ELOVL5: variants seen among roughly 807,000 people sequenced by gnomAD.
ELOVL5 encodes ELOVL fatty acid elongase 5.
In ELOVL5, 8 loss-of-function variants were observed where a neutral mutation model predicts 38.6. That is an observed-to-expected ratio of 0.21 (90% CI 0.12 to 0.37). The LOEUF (loss-of-function observed/expected upper bound fraction) is 0.37. Ranked by LOEUF, ELOVL5 falls within the 10% of genes least tolerant of loss-of-function variation. The probability of loss-of-function intolerance (pLI) is 1.00; values close to 1 mark genes in which losing one functional copy is unlikely to be tolerated. For missense variants in ELOVL5, 280 were observed against 367.8 expected, an observed-to-expected ratio of 0.76 and a Z score of 1.95; for synonymous variants, 127 against 133.7, an observed-to-expected ratio of 0.95 and a Z score of 0.34.
At chr6:53,309,987 T>C (rs976678760) in intron 1 of ELOVL5, among the ~76,000 whole-genome samples, 1 of 152,118 alleles carries the variant, frequency 6.6e-6, no homozygotes, top group Non-Finnish European at 1.5e-5. Flanking sequence ...GGTGGCAAAT[T>C]TGGGGGTAAT....
intron 3 of ELOVL5, among the ~76,000 whole-genome samples, chr6:53,283,626 C>G (rs1009125433): frequency 3.3e-5 from 5 of 151,894 alleles, no homozygotes; most frequent in African/African-American, 7.3e-5. Flanking sequence ...GCCATTTAAA[C>G]TAAAAACACA....
chr6:53,319,270 C>CAAAAAAAAAAAAAAAAAAAAA (rs59435925), intron 1 of ELOVL5, among the ~76,000 whole-genome samples: 14 of 74,898 alleles, frequency 1.9e-4, no homozygotes, highest in Non-Finnish European at 3.3e-4. Context: ...GACTCCATCT[C>CAAAAAAAAAAAAAAAAAAAAA]AAAAAAAAAA....
At chr6:53,342,152 C>T (rs1249366675) in intron 1 of ELOVL5, among the ~76,000 whole-genome samples, 2 of 151,372 alleles carry the variant, frequency 1.3e-5, no homozygotes, top group Non-Finnish European at 2.9e-5. Flanking sequence ...CACACAGATG[C>T]TTCTAACAAA....
chr6:53,274,539 T>C (rs1300949805), intron 5 of ELOVL5, among the ~76,000 whole-genome samples: 1 of 152,210 alleles, frequency 6.6e-6, no homozygotes, highest in African/African-American at 2.4e-5. Flanking sequence ...CTGAAAATTA[T>C]AAGAAACTTT....
chr6:53,324,287 AAAG>A (rs1233618060), intron 1 of ELOVL5, among the ~76,000 whole-genome samples: 3 of 151,888 alleles, frequency 2.0e-5, no homozygotes, highest in Non-Finnish European at 2.9e-5. Flanking sequence ...AAAAAAAAGA[AAAG>A]AAAAACAGTT....
chr6:53,275,777 C>T (rs1289051757), intron 4 of ELOVL5, among the ~76,000 whole-genome samples: 2 of 152,156 alleles, frequency 1.3e-5, no homozygotes, highest in Non-Finnish European at 2.9e-5. Flanking sequence ...TGCTGAGCTG[C>T]GACTGTTGGC....
At chr6:53,336,612 A>G (rs1050169243) in intron 1 of ELOVL5, among the ~76,000 whole-genome samples, 2 of 152,182 alleles carry the variant, frequency 1.3e-5, no homozygotes, top group Non-Finnish European at 2.9e-5. Flanking sequence ...CAATGAGCTG[A>G]GATGGTGCCA....
At position 53,287,793 on chromosome 6, in the gene ELOVL5, G is replaced by A. The variant is rs940242627; in HGVS notation, c.246+3983C>T. On this transcript the variant is annotated intron_variant, in intron 3 of 7. Coordinates refer to ENST00000304434, the MANE Select transcript of ELOVL5 (RefSeq NM_021814.5). Reference sequence around the variant, plus strand: ...GCCGGAGTGCCTCCTTCTGAGGAAAGGAGCCAGCCATCCTTTCAACACAGT... The same window carrying A: ...GCCGGAGTGCCTCCTTCTGAGGAAAAGAGCCAGCCATCCTTTCAACACAGT... 4 of 1,407,682 alleles carry A rather than the reference G, an allele frequency of 2.8e-6. No homozygotes were observed. In the African/African-American group the frequency reaches 4.3e-5, roughly 15 times the overall value. 87.2% of individuals were successfully genotyped at this position (1,407,682 alleles called of 1,614,324 possible). A position where few individuals can be genotyped will look rare whatever the true frequency, so the allele number is the denominator to read the frequency against.
At position 53,334,402 on chromosome 6, in the gene ELOVL5, T is replaced by A. The variant is rs566814401; in HGVS notation, c.-9+14415A>T. Among the ~76,000 whole-genome samples the A allele has an allele frequency of 3.5e-4, 53 of 152,264 alleles. 2 individuals are homozygous for A. In the South Asian group the frequency reaches 0.011, roughly 32 times the overall value. ...AAGGGAGGGCCATATAACTTTTATC[T>A]TTACTTAATTTATTTTAATTTACTA... On this transcript the variant is annotated intron_variant, in intron 1 of 7. Coordinates refer to ENST00000304434, the MANE Select transcript of ELOVL5 (RefSeq NM_021814.5).
rs567052033 is a variant in ELOVL5, at chr6:53,305,977, G to A, written c.-8-10270C>T. ...GGCACCTCGGGATGCCGAGGCTGGC[G>A]GATCACTCGCGGTTAGGAGCTGGAG... is the stretch of plus-strand genomic sequence containing the variant. On this transcript the variant is annotated intron_variant, in intron 1 of 7. Transcript: ENST00000304434. 3.9e-3 allele frequency among the ~76,000 whole-genome samples: 588 copies of A among 152,050 alleles called. 7 individuals are homozygous for A. The highest frequency in any genetic ancestry group is 0.013 in the African/African-American group (555 of 41,502).
rs549283949 is a variant in ELOVL5 at position 53,283,582 on chromosome 6, C to A, written c.247-7326G>T. 2.6e-5 allele frequency among the ~76,000 whole-genome samples: 4 copies of A among 152,152 alleles called. No homozygotes were observed. The South Asian group carries it at 8.3e-4, about 32-fold the overall frequency. On this transcript the variant is annotated intron_variant, in intron 3 of 7. Coordinates refer to ENST00000304434, the MANE Select transcript of ELOVL5 (RefSeq NM_021814.5). ...TCCATGTTATGGAATAAAAAAAGAG[C>A]AAGCAGTGAACTTTCAGAAGTAAAA...
intron 1 of ELOVL5, 30 bp from the exon 2 acceptor site, chr6:53,295,737 T>A: frequency 1.5e-6 from 2 of 1,356,712 alleles, no homozygotes; most frequent in Non-Finnish European, 2.0e-6. Flanking sequence ...TACTGATTAA[T>A]CTCTACTCAA....
chr6:53,283,677 G>C (rs1025765231), intron 3 of ELOVL5, among the ~76,000 whole-genome samples: 1 of 152,072 alleles, frequency 6.6e-6, no homozygotes, highest in African/African-American at 2.4e-5. Flanking sequence ...GAAGGAAGTA[G>C]GAGTGAATGG....
intron 1 of ELOVL5, among the ~76,000 whole-genome samples, chr6:53,326,769 A>G (rs186293110): frequency 8.4e-4 from 128 of 152,316 alleles, no homozygotes; most frequent in Non-Finnish European, 1.5e-3. Flanking sequence ...GTTTTGCCCT[A>G]GGCACCAGCA....
intron 1 of ELOVL5, among the ~76,000 whole-genome samples, chr6:53,323,843 C>A (rs1254773605): frequency 2.6e-5 from 4 of 152,150 alleles, no homozygotes; most frequent in African/African-American, 9.7e-5. Context: ...CCATGCCCGA[C>A]CATTACGGGC....
chr6:53,342,297 GAAT>G (rs767057621), intron 1 of ELOVL5, among the ~76,000 whole-genome samples: 4 of 152,190 alleles, frequency 2.6e-5, no homozygotes, highest in Non-Finnish European at 5.9e-5. Context: ...GGAAGCAAAT[GAAT>G]AATTACTGAA....
At chr6:53,282,735 T>G (rs936991861) in intron 3 of ELOVL5, among the ~76,000 whole-genome samples, 1 of 152,188 alleles carries the variant, frequency 6.6e-6, no homozygotes, top group Admixed American at 6.5e-5. Flanking sequence ...GAACAGCAAA[T>G]AGCCTTTTCA....
Position 53,273,419 on chromosome 6 carries a change from A to T in ELOVL5, c.497-75T>A, listed in dbSNP as rs1397063481. On this transcript the variant is annotated intron_variant, in intron 5 of 7. Transcript: ENST00000304434. ...AGAACAGGTGGTAAAAAAAAAAAAAATACAAGATTCTTTTTGAATCAGAAA... is the reference window on the plus strand; with the variant it reads ...AGAACAGGTGGTAAAAAAAAAAAAATTACAAGATTCTTTTTGAATCAGAAA... The T allele has an allele frequency of 2.7e-5, 35 of 1,290,102 alleles. No homozygotes were observed. The East Asian group carries it at 7.0e-4, about 26-fold the overall frequency. 79.9% of individuals were successfully genotyped at this position (1,290,102 alleles called of 1,614,324 possible). A position where few individuals can be genotyped will look rare whatever the true frequency, so the allele number is the denominator to read the frequency against.
chr6:53,277,235 T>C (rs1311043136), intron 3 of ELOVL5, among the ~76,000 whole-genome samples: 3 of 151,732 alleles, frequency 2.0e-5, no homozygotes, highest in East Asian at 2.0e-4. Flanking sequence ...AAAAAATGGG[T>C]GTAGCCGCTG....
Sources: gnomAD v4.1 joint callset for allele counts (sites outside exome capture counted in the v4.1 genomes callset) on GRCh38, gnomAD v4.1.1 for gene constraint, MANE v1.5 for transcripts, NCBI Gene and HGNC (gene_info 2026-07-23, HGNC 2026-07-21) for gene names.